The following EPHA4 variants were observed in gnomAD, a reference collection of about 807,000 sequenced individuals.
EPHA4 encodes the protein EPH receptor A4.
Under a neutral mutation model 108.3 loss-of-function variants are expected in EPHA4, and 19 were observed. The ratio of observed to expected loss-of-function variants is 0.18; its 90% CI spans 0.12 to 0.26. The LOEUF (loss-of-function observed/expected upper bound fraction) is 0.26. Ranked by LOEUF, EPHA4 falls within the 10% of genes least tolerant of loss-of-function variation. The pLI is 1.00. For missense variants in EPHA4, 917 were observed against 1,254.0 expected, an observed-to-expected ratio of 0.73 and a Z score of 4.06; for synonymous variants, 449 against 455.5, an observed-to-expected ratio of 0.99 and a Z score of 0.18.
In EPHA4 at chr2:221,426,613, G is replaced by C. The variant is rs61731200; in HGVS notation, c.2697C>G (p.Asn899Lys). 9.9e-4 allele frequency: 1,597 copies of C among 1,612,668 alleles called. 15 individuals are homozygous for C. The African/African-American group carries it at 0.019, about 19-fold the overall frequency. The change falls in exon 16 of 18, where the codon AAC becomes AAG. Residue 899 changes from asparagine to lysine, a missense_variant. This residue lies in a region of EPHA4 where 133 missense variants were observed against 132.8 expected (regional missense o/e 1.00). Coordinates refer to ENST00000281821, the MANE Select transcript of EPHA4 (RefSeq NM_004438.5). ...KRTGTESSRP[N>K]TALLDPSSPE... is the part of the protein sequence containing the mutation. The stretch of plus-strand genomic sequence containing the variant: ...GGGAGCTTGGATCCAACAAGGCAGT[G>C]TTAGGTCTAGAAAGAGAACAAGAAA...
intron 5 of EPHA4, among the ~76,000 whole-genome samples, chr2:221,459,082 GT>G (rs1291043152): frequency 6.6e-6 from 1 of 152,108 alleles, no homozygotes; most frequent in Non-Finnish European, 1.5e-5. Flanking sequence ...AAGATAAAAA[GT>G]GAAATACATT....
intron 3 of EPHA4, among the ~76,000 whole-genome samples, chr2:221,517,544 C>T (rs1693025412): frequency 6.6e-6 from 1 of 152,104 alleles, no homozygotes. Flanking sequence ...GCATGGCCAC[C>T]TGGACCAGGG....
chr2:221,460,254 G>A (rs1465099224), intron 5 of EPHA4, among the ~76,000 whole-genome samples: 1 of 152,120 alleles, frequency 6.6e-6, no homozygotes, highest in Non-Finnish European at 1.5e-5. Context: ...AGAATAAGGA[G>A]AGACTGAAAG....
chr2:221,522,427 T>A (rs901827649), intron 3 of EPHA4, among the ~76,000 whole-genome samples: 5 of 152,120 alleles, frequency 3.3e-5, no homozygotes, highest in Admixed American at 2.6e-4. Context: ...GCACAATTAA[T>A]CAAAACTTAG....
intron 11 of EPHA4, among the ~76,000 whole-genome samples, chr2:221,442,384 G>A (rs1690455706): frequency 6.6e-6 from 1 of 152,234 alleles, no homozygotes; most frequent in Non-Finnish European, 1.5e-5. Context: ...AGGCAGAGCA[G>A]ACAAGCAAAT....
chr2:221,433,115 G>A (rs1254226059), intron 14 of EPHA4, among the ~76,000 whole-genome samples: 1 of 151,974 alleles, frequency 6.6e-6, no homozygotes, highest in Non-Finnish European at 1.5e-5. Flanking sequence ...TGAGCCACAG[G>A]GCCCGGCCTG....
chr2:221,516,418 G>C (rs942026666), intron 3 of EPHA4, among the ~76,000 whole-genome samples: 3 of 146,396 alleles, frequency 2.0e-5, no homozygotes, highest in Non-Finnish European at 3.0e-5. Context: ...GCAGAGGCAC[G>C]ATCTCGGCTC....
intron 13 of EPHA4, among the ~76,000 whole-genome samples, chr2:221,434,844 T>C (rs1169590837): frequency 6.6e-5 from 10 of 152,124 alleles, no homozygotes; most frequent in Admixed American, 6.5e-4. Flanking sequence ...TACCAGATAC[T>C]AGAGCTATTA....
intron 3 of EPHA4, among the ~76,000 whole-genome samples, chr2:221,518,333 T>C (rs907094038): frequency 6.6e-6 from 1 of 152,170 alleles, no homozygotes; most frequent in Non-Finnish European, 1.5e-5. Context: ...CTCTCTTCCC[T>C]AGACCCCGCT....
At chr2:221,469,883 C>A (rs1691426151) in intron 5 of EPHA4, among the ~76,000 whole-genome samples, 1 of 152,114 alleles carries the variant, frequency 6.6e-6, no homozygotes, top group African/African-American at 2.4e-5. Context: ...AATGGGATAC[C>A]TAGTTTTTTA....
At chr2:221,530,042 C>T (rs144452667) in intron 3 of EPHA4, among the ~76,000 whole-genome samples, 8 of 152,242 alleles carry the variant, frequency 5.3e-5, no homozygotes, top group South Asian at 2.1e-4. Context: ...AAACACCCAA[C>T]GCAAACAGTC....
At chr2:221,556,594 C>A (rs1452675897) in intron 3 of EPHA4, among the ~76,000 whole-genome samples, 1 of 151,066 alleles carries the variant, frequency 6.6e-6, no homozygotes, top group Non-Finnish European at 1.5e-5. Flanking sequence ...AGCCACTGCG[C>A]CCAGTCACTA....
At chr2:221,453,008 A>C (rs1293127736) in intron 8 of EPHA4, among the ~76,000 whole-genome samples, 1 of 152,236 alleles carries the variant, frequency 6.6e-6, no homozygotes, top group Non-Finnish European at 1.5e-5. Context: ...GGAAACTTAC[A>C]ATGAGGTAAC....
At chr2:221,476,954 C>T (rs1002606314) in intron 5 of EPHA4, among the ~76,000 whole-genome samples, 1 of 151,986 alleles carries the variant, frequency 6.6e-6, no homozygotes, top group Non-Finnish European at 1.5e-5. Flanking sequence ...TTTGATTTTA[C>T]TGTAAATAAA....
intron 4 of EPHA4, among the ~76,000 whole-genome samples, chr2:221,485,702 C>T (rs984674278): frequency 6.6e-6 from 1 of 151,742 alleles, no homozygotes; most frequent in African/African-American, 2.4e-5. Flanking sequence ...TGTTTCCCTG[C>T]CAATTAAAAG....
intron 9 of EPHA4, among the ~76,000 whole-genome samples, chr2:221,444,324 C>A (rs1574567937): frequency 6.6e-6 from 1 of 152,152 alleles, no homozygotes; most frequent in Non-Finnish European, 1.5e-5. Flanking sequence ...TGTTTGCCGG[C>A]AGCCCAGTGA....
chr2:221,430,054 C>T lies in EPHA4; in HGVS notation c.2594G>A (p.Arg865Lys), dbSNP rs1464119769. 5 of 1,613,972 alleles carry T rather than the reference C, an allele frequency of 3.1e-6. No individual in the cohort carries two copies. Among genetic ancestry groups the T allele is most frequent in the Admixed American group, 3.3e-5 (2 of 60,004 alleles). The change falls in exon 15 of 18, where the codon AGG becomes AAG. Residue 865 changes from arginine to lysine, a missense_variant. Coordinates refer to ENST00000281821, the MANE Select transcript of EPHA4 (RefSeq NM_004438.5). ...CTGCCCAAATTTAGGCCTGTCGCTC[C>T]TCTCCTTCTGCCAGCAGTCTAGCAT... ...QLMLDCWQKE[R>K]SDRPKFGQIV... is the part of the protein sequence containing the mutation.
intron 9 of EPHA4, among the ~76,000 whole-genome samples, chr2:221,443,875 A>G (rs530643400): frequency 3.3e-5 from 5 of 152,166 alleles, no homozygotes; most frequent in Non-Finnish European, 5.9e-5. Context: ...CCCATGGAGG[A>G]AATTTGAATT....
chr2:221,509,339 A>C (rs925594313), intron 3 of EPHA4, among the ~76,000 whole-genome samples: 2 of 152,306 alleles, frequency 1.3e-5, no homozygotes, highest in African/African-American at 2.4e-5. Flanking sequence ...AAAAAACCAC[A>C]ACAACAACAA....
Sources: allele counts gnomAD v4.1 joint callset (sites outside exome capture counted in the v4.1 genomes callset), GRCh38; gene constraint gnomAD v4.1.1; regional missense constraint gnomAD v4.1.1; transcripts MANE v1.5; gene names NCBI Gene and HGNC (gene_info 2026-07-23, HGNC 2026-07-21).